PRKD1: variants seen among roughly 807,000 people sequenced by gnomAD.
The protein encoded by PRKD1 is serine/threonine-protein kinase D1.
In PRKD1, 63 loss-of-function variants were observed where a neutral mutation model predicts 95.9. That is an observed-to-expected ratio of 0.66 (90% CI 0.54 to 0.81). The LOEUF is 0.81. Ranked by LOEUF, PRKD1 falls within the 30% of genes least tolerant of loss-of-function variation. The probability of loss-of-function intolerance (pLI) is 0.00; values close to 1 mark genes in which losing one functional copy is unlikely to be tolerated. For synonymous variants in PRKD1, 425 were observed against 423.1 expected, an observed-to-expected ratio of 1.00 and a Z score of -0.05; for missense variants, 1,048 against 1,165.3, an observed-to-expected ratio of 0.90 and a Z score of 1.47.
chr14:29,891,779 A>G (rs986138000), intron 1 of PRKD1, among the ~76,000 whole-genome samples: 1 of 152,174 alleles, frequency 6.6e-6, no homozygotes, highest in African/African-American at 2.4e-5. Flanking sequence ...ACGCTGCTTT[A>G]AAAGTAGGTA....
intron 1 of PRKD1, among the ~76,000 whole-genome samples, chr14:29,804,936 T>C (rs188536348): frequency 1.1e-4 from 17 of 152,276 alleles, no homozygotes; most frequent in Admixed American, 6.5e-5. Context: ...GGGCTTAAAG[T>C]GCTAAATTAT....
At chr14:29,717,616 ATTACCATCACTATTGTTATG>A (rs1885683824) in intron 2 of PRKD1, among the ~76,000 whole-genome samples, 3 of 152,256 alleles carry the variant, frequency 2.0e-5, no homozygotes, top group South Asian at 4.1e-4. Flanking sequence ...TCATAAATAT[ATTACCATCACTATTGTTATG>A]TTACCATCAC....
intron 1 of PRKD1, among the ~76,000 whole-genome samples, chr14:29,818,583 T>C (rs1890783729): frequency 6.7e-6 from 1 of 148,564 alleles, no homozygotes; most frequent in South Asian, 2.1e-4. Flanking sequence ...TCTTGGCATT[T>C]AACATTTCAA....
intron 16 of PRKD1, among the ~76,000 whole-genome samples, chr14:29,579,418 T>A (rs1047842680): frequency 1.3e-5 from 2 of 152,140 alleles, no homozygotes; most frequent in Admixed American, 1.3e-4. Flanking sequence ...AGGCATTATG[T>A]CTGAAAGATG....
chr14:29,873,123 T>A (rs1355023780), intron 1 of PRKD1, among the ~76,000 whole-genome samples: 1 of 152,196 alleles, frequency 6.6e-6, no homozygotes, highest in African/African-American at 2.4e-5. Context: ...TCTCGCTCTA[T>A]CACCCAGGCT....
intron 16 of PRKD1, among the ~76,000 whole-genome samples, chr14:29,596,662 C>A (rs952431183): frequency 5.3e-5 from 8 of 152,198 alleles, no homozygotes; most frequent in African/African-American, 1.9e-4. Context: ...ACCCTATTGG[C>A]CAAGCTGATC....
chr14:29,714,626 A>G (rs1018192315), intron 2 of PRKD1, among the ~76,000 whole-genome samples: 13 of 152,208 alleles, frequency 8.5e-5, no homozygotes, highest in African/African-American at 3.1e-4. Context: ...CTAAAGGATT[A>G]TAAATCATTC....
In PRKD1 at chr14:29,681,667, T is replaced by C. The variant is rs371884606; in HGVS notation, c.404-15459A>G. ...ATATGAACCAAGTAGAGGCATTTAT[T>C]ATGCTGAAATTATTAGAAGGGCACT... is the stretch of plus-strand genomic sequence containing the variant. On this transcript the variant is annotated intron_variant, in intron 2 of 17. Transcript: ENST00000331968. Among the ~76,000 whole-genome samples, 20 of 152,280 alleles carry C rather than the reference T, an allele frequency of 1.3e-4. No homozygotes were observed. The East Asian group carries it at 3.5e-3, about 27-fold the overall frequency.
At chr14:29,869,053 T>A (rs893545229) in intron 1 of PRKD1, among the ~76,000 whole-genome samples, 2 of 152,138 alleles carry the variant, frequency 1.3e-5, no homozygotes, top group African/African-American at 4.8e-5. Flanking sequence ...TAATCCTAAA[T>A]TCTAGAATCC....
At chr14:29,634,671 G>A (rs545759903) in intron 7 of PRKD1, 130 bp from the exon 8 acceptor site, 12 of 1,207,878 alleles carry the variant, frequency 9.9e-6, no homozygotes, top group East Asian at 2.4e-5. Context: ...TTAGTAAAAC[G>A]TATTGTCAGG....
At chr14:29,813,260 A>G (rs1173996139) in intron 1 of PRKD1, among the ~76,000 whole-genome samples, 2 of 152,242 alleles carry the variant, frequency 1.3e-5, no homozygotes, top group Non-Finnish European at 2.9e-5. Flanking sequence ...TATGTGGGAA[A>G]GCCCAAAATC....
intron 1 of PRKD1, among the ~76,000 whole-genome samples, chr14:29,741,111 G>C (rs1363407542): frequency 3.3e-5 from 5 of 152,148 alleles, no homozygotes; most frequent in Non-Finnish European, 7.4e-5. Flanking sequence ...CTAATTGAGG[G>C]TGGAGGGTAG....
At chr14:29,904,953 G>T (rs1894444453) in intron 1 of PRKD1, among the ~76,000 whole-genome samples, 1 of 152,170 alleles carries the variant, frequency 6.6e-6, no homozygotes, top group South Asian at 2.1e-4. Context: ...AATAATTTGT[G>T]GGGAATACGT....
At chr14:29,800,775 C>T (rs552740161) in intron 1 of PRKD1, among the ~76,000 whole-genome samples, 8 of 152,274 alleles carry the variant, frequency 5.3e-5, no homozygotes, top group Admixed American at 5.2e-4. Context: ...ATGTGACCAA[C>T]TTTAAGTTGT....
chr14:29,849,370 T>C (rs1485580579), intron 1 of PRKD1, among the ~76,000 whole-genome samples: 1 of 152,194 alleles, frequency 6.6e-6, no homozygotes, highest in African/African-American at 2.4e-5. Context: ...AAACCTCTTT[T>C]CTTTATAAGT....
chr14:29,577,204 C>G lies in PRKD1; in HGVS notation c.*34G>C, dbSNP rs1464497221. 7 of 1,576,950 alleles carry G rather than the reference C, an allele frequency of 4.4e-6. No homozygotes were observed. Among genetic ancestry groups the G allele is most frequent in the African/African-American group, 1.4e-5 (1 of 73,928 alleles). On this transcript the variant is annotated 3_prime_UTR_variant, in exon 18 of 18. Coordinates refer to ENST00000331968, the MANE Select transcript of PRKD1 (RefSeq NM_002742.3). ...ACCTGACCGTATGTATTTATTAGTTCCACAGTGTTTTGACAGATTATAGGA... is the reference window on the plus strand; with the variant it reads ...ACCTGACCGTATGTATTTATTAGTTGCACAGTGTTTTGACAGATTATAGGA...
chr14:29,842,609 G>C (rs1891899786), intron 1 of PRKD1, among the ~76,000 whole-genome samples: 1 of 152,124 alleles, frequency 6.6e-6, no homozygotes, highest in Non-Finnish European at 1.5e-5. Context: ...GCTTTGTTTA[G>C]ATATTTAAAG....
intron 1 of PRKD1, among the ~76,000 whole-genome samples, chr14:29,884,853 T>C (rs1893639321): frequency 6.6e-6 from 1 of 152,204 alleles, no homozygotes; most frequent in African/African-American, 2.4e-5. Flanking sequence ...CTGGGCGCAG[T>C]GGCTCACGCC....
At chr14:29,599,598 C>T (rs953682139) in intron 14 of PRKD1, 58 bp downstream of exon 14, 4 of 1,496,228 alleles carry the variant, frequency 2.7e-6, no homozygotes, top group Non-Finnish European at 3.7e-6. Flanking sequence ...TGTAGTTAAA[C>T]AGTGATAACA....
Sources: allele counts gnomAD v4.1 joint callset (sites outside exome capture counted in the v4.1 genomes callset), GRCh38; gene constraint gnomAD v4.1.1; transcripts MANE v1.5; gene names NCBI Gene and HGNC (gene_info 2026-07-23, HGNC 2026-07-21).